POLR1A: variants seen among roughly 807,000 people sequenced by gnomAD.
The protein encoded by POLR1A is DNA-directed RNA polymerase I subunit RPA1.
POLR1A carries 84 observed loss-of-function variants against 205.3 expected under a neutral mutation model. The observed-to-expected ratio is 0.41, with a 90% CI of 0.34 to 0.49. The LOEUF (loss-of-function observed/expected upper bound fraction) is 0.49. Ranked by LOEUF, POLR1A falls within the 20% of genes least tolerant of loss-of-function variation. POLR1A has a pLI of 0.22. For missense variants in POLR1A, 1,645 were observed against 2,204.5 expected, an observed-to-expected ratio of 0.75 and a Z score of 5.08; for synonymous variants, 799 against 863.7, an observed-to-expected ratio of 0.93 and a Z score of 1.31.
At chr2:86,068,086 T>C (rs987005269) in intron 13 of POLR1A, among the ~76,000 whole-genome samples, 7 of 152,218 alleles carry the variant, frequency 4.6e-5, no homozygotes, top group African/African-American at 9.6e-5. Context: ...AATGTAAGCA[T>C]GAAGTCTCCT....
intron 1 of POLR1A, among the ~76,000 whole-genome samples, chr2:86,105,455 G>A (rs898883125): frequency 2.0e-5 from 3 of 152,068 alleles, no homozygotes; most frequent in African/African-American, 4.8e-5. Flanking sequence ...CTGCAGACCA[G>A]GACCCTCCCC....
chr2:86,032,194 G>T, intron 29 of POLR1A, 78 bp downstream of exon 29: 1 of 978,156 alleles, frequency 1.0e-6, no homozygotes, highest in Non-Finnish European at 1.7e-6. Context: ...TGGCCTGGGT[G>T]CCGGGAGATA....
intron 2 of POLR1A, among the ~76,000 whole-genome samples, chr2:86,099,010 A>C (rs11127015): frequency 6.6e-6 from 1 of 152,024 alleles, no homozygotes; most frequent in Non-Finnish European, 1.5e-5. Context: ...CTGAGGTAGA[A>C]AAATATCTTT....
At chr2:86,049,657 C>G (rs1672767377) in intron 16 of POLR1A, among the ~76,000 whole-genome samples, 1 of 152,192 alleles carries the variant, frequency 6.6e-6, no homozygotes, top group African/African-American at 2.4e-5. Context: ...GAGAGAACAT[C>G]TCAGTCTGGG....
In POLR1A at chr2:86,029,401, G is replaced by T. The variant is rs1345513498; in HGVS notation, c.4780-690C>A. 2.6e-5 allele frequency among the ~76,000 whole-genome samples: 4 copies of T among 152,138 alleles called. No individual in the cohort carries two copies. In the East Asian group the frequency reaches 7.7e-4, roughly 29 times the overall value. ...GTGTTCTGTGGGGGAAACCCAGAAA[G>T]TTCTGGGAGAGTTGGTGAAGTGGGA... On this transcript the variant is annotated intron_variant, in intron 31 of 33. Transcript: ENST00000263857.
intron 1 of POLR1A, among the ~76,000 whole-genome samples, chr2:86,103,785 C>A (rs528426530): frequency 1.3e-5 from 2 of 152,296 alleles, no homozygotes; most frequent in Admixed American, 1.3e-4. Context: ...GTCACTAAAG[C>A]ACCATGACAG....
chr2:86,052,969 C>G lies in POLR1A; in HGVS notation c.2240G>C (p.Gly747Ala). ...VIIREGELLC[G>A]VLDKAHYGSS... is the part of the protein sequence containing the mutation. ...CCCATAGTGCGCCTTGTCCAGCACTCCGCAGAGCAGCTCCCCTTCCCTGAT... is the reference window on the plus strand; with the variant it reads ...CCCATAGTGCGCCTTGTCCAGCACTGCGCAGAGCAGCTCCCCTTCCCTGAT... Residue 747 changes from glycine (G) to alanine (A), a missense_variant, in exon 16 of 34, where the codon GGA becomes GCA. Around this residue, in one of 16 missense-constraint regions of POLR1A, gnomAD observed 339 missense variants for 415.1 expected, o/e 0.82. Coordinates refer to ENST00000263857, the MANE Select transcript of POLR1A (RefSeq NM_015425.6). 1.3e-6 allele frequency: 2 copies of G among 1,597,616 alleles called. No individual in the cohort carries two copies. The highest frequency in any genetic ancestry group is 1.7e-6 in the Non-Finnish European group (2 of 1,171,922).
In POLR1A at chr2:86,044,134, A is replaced by G. The variant is rs1266995222; in HGVS notation, c.3135+5T>C. Reference sequence around the variant, plus strand: ...GCCCCCAGGCTCCGGGATCTAGCACACTACCTCGTAGTTGCTGGCCAGGAA... The same window carrying G: ...GCCCCCAGGCTCCGGGATCTAGCACGCTACCTCGTAGTTGCTGGCCAGGAA... On this transcript the variant is annotated splice_donor_5th_base_variant and intron_variant, in intron 22 of 33. Transcript: ENST00000263857. 7 of 1,613,798 alleles carry G rather than the reference A, an allele frequency of 4.3e-6. No individual in the cohort carries two copies.
intron 19 of POLR1A, 65 bp downstream of exon 19, chr2:86,047,100 C>G: frequency 9.2e-7 from 1 of 1,088,350 alleles, no homozygotes; most frequent in Non-Finnish European, 1.4e-6. Context: ...CTGAAACCAC[C>G]TCCTGCTATC....
In POLR1A at chr2:86,077,978, G is replaced by GGAGAAA; in HGVS notation, c.1260_1261insTTTCTC (p.Ile420_Leu421insPheLeu). 6.2e-7 allele frequency: 1 copy of GGAGAAA among 1,613,874 alleles called. No individual in the cohort carries two copies. The highest frequency in any genetic ancestry group is 8.5e-7 in the Non-Finnish European group (1 of 1,179,914). ...CGGAACAGGCCTTCTTTCTTCTCCA[G>GGAGAAA]GATCTTTATGGAGAAAAAAGGTCAT... is the stretch of plus-strand genomic sequence containing the variant. On this transcript the variant is annotated inframe_insertion, in exon 11 of 34. Coordinates refer to ENST00000263857, the MANE Select transcript of POLR1A (RefSeq NM_015425.6).
At chr2:86,055,388 C>T (rs1672879064) in intron 14 of POLR1A, among the ~76,000 whole-genome samples, 1 of 152,162 alleles carries the variant, frequency 6.6e-6, no homozygotes, top group South Asian at 2.1e-4. Context: ...CAATGGACAA[C>T]AGCATTATTA....
Position 86,022,979 on chromosome 2 carries a change from C to A in POLR1A, c.*4444G>T, listed in dbSNP as rs1282863752. The A allele has an allele frequency of 6.6e-6, 1 of 152,146 alleles. No individual in the cohort carries two copies. The highest frequency in any genetic ancestry group is 1.5e-5 in the Non-Finnish European group (1 of 68,058). 9.4% of individuals were successfully genotyped at this position (152,146 alleles called of 1,614,324 possible). ...CACTGCAACCTCCAACTCCCCGGTT[C>A]AAGTGATTCTCCTGCCTCAGCCTCC... On this transcript the variant is annotated 3_prime_UTR_variant, in exon 34 of 34. Transcript: ENST00000263857.
intron 12 of POLR1A, among the ~76,000 whole-genome samples, chr2:86,073,637 C>T (rs1289431795): frequency 1.3e-5 from 2 of 152,152 alleles, no homozygotes; most frequent in Non-Finnish European, 1.5e-5. Flanking sequence ...ACTGCTGTTC[C>T]CTATGGTGTC....
intron 6 of POLR1A, among the ~76,000 whole-genome samples, chr2:86,086,808 T>A (rs1337492292): frequency 6.6e-6 from 1 of 152,250 alleles, no homozygotes; most frequent in East Asian, 1.9e-4. Flanking sequence ...TAGAAAGAAT[T>A]CTGACCATCT....
chr2:86,101,565 G>C (rs1056414695), intron 1 of POLR1A, among the ~76,000 whole-genome samples: 1 of 152,162 alleles, frequency 6.6e-6, no homozygotes, highest in Admixed American at 6.5e-5. Context: ...CACAAATCTA[G>C]AGTCCACCTG....
chr2:86,056,135 T>C (rs1026074596), intron 14 of POLR1A, among the ~76,000 whole-genome samples: 3 of 152,092 alleles, frequency 2.0e-5, no homozygotes, highest in Admixed American at 2.0e-4. Context: ...ATATTAGCAA[T>C]GAACAATCTG....
intron 13 of POLR1A, among the ~76,000 whole-genome samples, chr2:86,069,286 C>T (rs1673134361): frequency 6.6e-6 from 1 of 152,236 alleles, no homozygotes; most frequent in Non-Finnish European, 1.5e-5. Context: ...TTTAGGAGGA[C>T]TCAGACCTTT....
chr2:86,101,480 G>A (rs1235568756), intron 1 of POLR1A, among the ~76,000 whole-genome samples: 1 of 152,088 alleles, frequency 6.6e-6, no homozygotes, highest in Non-Finnish European at 1.5e-5. Context: ...TTGTCTATAT[G>A]GTCACCTTGC....
In POLR1A at chr2:86,071,227, C is replaced by CGTGTGCGCGCGT. The variant is rs1558777042; in HGVS notation, c.1612-956_1612-955insACGCGCGCACAC. On this transcript the variant is annotated intron_variant, in intron 12 of 33. Transcript: ENST00000263857. Reference sequence around the variant, plus strand: ...CCCAGCTTCTCTCTCTCTCCGTGTGCATGTGTGTGTGTGTGTGTGTGTGTG... The same window carrying CGTGTGCGCGCGT: ...CCCAGCTTCTCTCTCTCTCCGTGTGCGTGTGCGCGCGTATGTGTGTGTGTGTGTGTGTGTGTG... 1.0e-4 allele frequency among the ~76,000 whole-genome samples: 15 copies of CGTGTGCGCGCGT among 147,356 alleles called. No homozygotes were observed. The South Asian group carries it at 2.1e-3, about 21-fold the overall frequency.
Sources: gnomAD v4.1 joint callset for allele counts (sites outside exome capture counted in the v4.1 genomes callset) on GRCh38, gnomAD v4.1.1 for gene constraint, gnomAD v4.1.1 regional missense constraint, MANE v1.5 for transcripts, NCBI Gene and HGNC (gene_info 2026-07-23, HGNC 2026-07-21) for gene names.